Variants in PCDHGA4 observed in about 807,000 individuals in gnomAD.
The protein encoded by PCDHGA4 is protocadherin gamma subfamily A, 4, also known as protocadherin gamma-A4.
In PCDHGA4, 38 loss-of-function variants were observed where a neutral mutation model predicts 54.6. The observed-to-expected ratio is 0.70, with a 90% CI of 0.54 to 0.91. PCDHGA4 has a LOEUF of 0.91. PCDHGA4 is among the 40% of genes least tolerant of loss of function. The probability of loss-of-function intolerance (pLI) is 0.00; values close to 1 mark genes in which losing one functional copy is unlikely to be tolerated. For missense variants in PCDHGA4, 1,298 were observed against 1,220.9 expected (o/e 1.06, Z -0.94); for synonymous variants, 511 against 512.9 (o/e 1.00, Z 0.05).
chr5:141,362,632 TTTC>T (rs1762606718), intron 1 of PCDHGA4: 2 of 1,490,270 alleles, frequency 1.3e-6, no homozygotes, highest in Admixed American at 4.6e-5. Flanking sequence ...CCACTGCGTA[TTTC>T]TTTGTCTGTG....
intron 1 of PCDHGA4, among the ~76,000 whole-genome samples, chr5:141,453,574 G>T (rs1285296493): frequency 6.6e-6 from 1 of 152,084 alleles, no homozygotes; most frequent in Non-Finnish European, 1.5e-5. Context: ...TCATTAGTTT[G>T]TGGTTTATCC....
intron 1 of PCDHGA4, chr5:141,414,764 A>G: frequency 6.2e-7 from 1 of 1,614,194 alleles, no homozygotes; most frequent in Non-Finnish European, 8.5e-7. Flanking sequence ...GAGCAGTTTC[A>G]TGAGCTACAG....
chr5:141,389,983 T>C (rs1224770373), intron 1 of PCDHGA4: 1 of 1,614,014 alleles, frequency 6.2e-7, no homozygotes, highest in East Asian at 2.2e-5. Context: ...ATCTCAGTGC[T>C]CTTCCTCGTG....
chr5:141,371,081 G>A, intron 1 of PCDHGA4: 1 of 1,613,852 alleles, frequency 6.2e-7, no homozygotes, highest in Non-Finnish European at 8.5e-7. Context: ...CCCAGATCAG[G>A]GTAATTGTCG....
chr5:141,418,948 A>G (rs767664022), intron 1 of PCDHGA4: 1 of 1,614,042 alleles, frequency 6.2e-7, no homozygotes, highest in Non-Finnish European at 8.5e-7. Context: ...CCCCTCCAGG[A>G]GTGGTTGTTG....
intron 1 of PCDHGA4, chr5:141,426,609 G>A (rs1026143678): frequency 5.2e-6 from 2 of 382,862 alleles, no homozygotes; most frequent in African/African-American, 4.2e-5. Flanking sequence ...AGAGATTGTA[G>A]CAGAGAATCC....
chr5:141,400,281 C>G, intron 1 of PCDHGA4: 5 of 1,614,016 alleles, frequency 3.1e-6, no homozygotes, highest in Non-Finnish European at 4.2e-6. Context: ...CCAGCCCTGC[C>G]GCCTGGAGCT....
rs183531575 is a variant in PCDHGA4 at position 141,469,308 on chromosome 5, G to A, written c.2515-25499G>A. Among the ~76,000 whole-genome samples the A allele has an allele frequency of 2.5e-3, 379 of 152,184 alleles. 1 individual carries two copies. The highest frequency in any genetic ancestry group is 5.8e-3 in the South Asian group (28 of 4,814). On this transcript the variant is annotated intron_variant, in intron 1 of 3. Transcript: ENST00000571252. ...TAAAACAAAATAGACTGGGCACGAT[G>A]GCTCACGCCTGTAATCCCACCACTT...
chr5:141,394,701 C>T lies in PCDHGA4; in HGVS notation c.2514+37080C>T, dbSNP rs375281416. Reference sequence around the variant, plus strand: ...GCACACGGGCGAGGTGCGCACGGCGCGAGCCCTGCTGGACAGAGATGCGCT... The same window carrying T: ...GCACACGGGCGAGGTGCGCACGGCGTGAGCCCTGCTGGACAGAGATGCGCT... On this transcript the variant is annotated intron_variant, in intron 1 of 3. Coordinates refer to ENST00000571252, the MANE Select transcript of PCDHGA4 (RefSeq NM_018917.4). The T allele has an allele frequency of 1.0e-4, 163 of 1,613,044 alleles. 1 individual carries two copies. The highest frequency in any genetic ancestry group is 1.3e-4 in the Non-Finnish European group (159 of 1,179,888).
chr5:141,421,055 C>A, intron 1 of PCDHGA4: 2 of 577,118 alleles, frequency 3.5e-6, no homozygotes, highest in South Asian at 2.4e-5. Flanking sequence ...GCCTCTACCA[C>A]ACAAAGCGGA....
chr5:141,376,447 C>T (rs777597745), intron 1 of PCDHGA4: 83 of 1,614,064 alleles, frequency 5.1e-5, no homozygotes, highest in Admixed American at 1.3e-4. Context: ...ATGAGAAAAG[C>T]GAGCCTCTTC....
Position 141,355,345 on chromosome 5 carries a change from G to C in PCDHGA4, c.238G>C (p.Ala80Pro). 6.2e-7 allele frequency: 1 copy of C among 1,614,020 alleles called. No homozygotes were observed. The highest frequency in any genetic ancestry group is 1.7e-5 in the Admixed American group (1 of 60,032). The change falls in exon 1 of 4, where the codon GCC becomes CCC. Residue 80 changes from alanine to proline, a missense_variant. Coordinates refer to ENST00000571252, the MANE Select transcript of PCDHGA4 (RefSeq NM_018917.4). ...AGAAGGCTCAGTGGTGGGCAACATCGCCAAGGACCTGGGGTTGGCGCCCCG... is the reference window on the plus strand; with the variant it reads ...AGAAGGCTCAGTGGTGGGCAACATCCCCAAGGACCTGGGGTTGGCGCCCCG... The part of the protein sequence containing the change: ...QEEGSVVGNI[A>P]KDLGLAPREL...
intron 1 of PCDHGA4, chr5:141,404,091 G>A (rs1404367820): frequency 6.2e-7 from 1 of 1,613,422 alleles, no homozygotes; most frequent in Non-Finnish European, 8.5e-7. Flanking sequence ...GGGAAGAATG[G>A]TCAAGTTGTC....
chr5:141,361,845 T>C, intron 1 of PCDHGA4: 2 of 1,612,744 alleles, frequency 1.2e-6, no homozygotes, highest in Non-Finnish European at 1.7e-6. Flanking sequence ...TGGGGCCTGA[T>C]GGCTCCGCCC....
At chr5:141,465,889 G>A (rs956310325) in intron 1 of PCDHGA4, among the ~76,000 whole-genome samples, 4 of 152,056 alleles carry the variant, frequency 2.6e-5, no homozygotes, top group Admixed American at 6.5e-5. Context: ...TTGGGAGGCC[G>A]AGGCGGGCAA....
intron 1 of PCDHGA4, among the ~76,000 whole-genome samples, chr5:141,358,420 A>G (rs1420796908): frequency 6.6e-6 from 1 of 152,090 alleles, no homozygotes; most frequent in Non-Finnish European, 1.5e-5. Flanking sequence ...TTGAAAGGGT[A>G]TTTTCCATTA....
In PCDHGA4 at chr5:141,447,883, C is replaced by T. The variant is rs184337553; in HGVS notation, c.2515-46924C>T. Among the ~76,000 whole-genome samples the T allele has an allele frequency of 3.9e-3, 599 of 152,000 alleles. 3 individuals are homozygous for T. The highest frequency in any genetic ancestry group is 0.014 in the African/African-American group (563 of 41,452). ...GGTGAATCATCTGAGGTCAGGAGTT[C>T]GAGACCAGCCTGGCCAACATGGTGA... On this transcript the variant is annotated intron_variant, in intron 1 of 3. Coordinates refer to ENST00000571252, the MANE Select transcript of PCDHGA4 (RefSeq NM_018917.4).
chr5:141,371,434 T>C, intron 1 of PCDHGA4: 1 of 1,614,004 alleles, frequency 6.2e-7, no homozygotes, highest in Non-Finnish European at 8.5e-7. Flanking sequence ...GCCCCGGAGA[T>C]AACCCTGGCT....
chr5:141,396,654 T>G (rs1489747712), intron 1 of PCDHGA4: 1 of 151,996 alleles, frequency 6.6e-6, no homozygotes, highest in Non-Finnish European at 1.5e-5. Context: ...TAGTAAAAAC[T>G]CGGTATAGGC....
Sources: gnomAD v4.1 joint callset for allele counts (sites outside exome capture counted in the v4.1 genomes callset) on GRCh38, gnomAD v4.1.1 for gene constraint, MANE v1.5 for transcripts, NCBI Gene and HGNC (gene_info 2026-07-23, HGNC 2026-07-21) for gene names.